SYT9: variants seen among roughly 807,000 people sequenced by gnomAD.
SYT9 encodes the protein synaptotagmin-9.
SYT9 carries 22 observed loss-of-function variants against 48.4 expected under a neutral mutation model. That is an observed-to-expected ratio of 0.45 (90% CI 0.32 to 0.65). The LOEUF is 0.65. Among genes scored for constraint, SYT9 ranks in the 30% least tolerant of loss-of-function variants. SYT9 has a pLI of 0.03. For synonymous variants in SYT9, 265 were observed against 245.0 expected, an observed-to-expected ratio of 1.08 and a Z score of -0.76; for missense variants, 577 against 622.0, an observed-to-expected ratio of 0.93 and a Z score of 0.77.
At chr11:7,378,593 A>C (rs1008505783) in intron 3 of SYT9, among the ~76,000 whole-genome samples, 1 of 151,920 alleles carries the variant, frequency 6.6e-6, no homozygotes, top group Non-Finnish European at 1.5e-5. Flanking sequence ...AGGGAGGTGC[A>C]TAGTGCTCCT....
intron 3 of SYT9, among the ~76,000 whole-genome samples, chr11:7,356,513 GGAA>G (rs1390513929): frequency 1.3e-5 from 2 of 152,072 alleles, no homozygotes; most frequent in Non-Finnish European, 2.9e-5. Flanking sequence ...CTCCAGGGAG[GGAA>G]GAAGGAGGAG....
At chr11:7,421,086 T>C (rs1410569759) in intron 6 of SYT9, among the ~76,000 whole-genome samples, 1 of 152,116 alleles carries the variant, frequency 6.6e-6, no homozygotes, top group East Asian at 1.9e-4. Flanking sequence ...CTACATATAA[T>C]AAAAACCAAA....
chr11:7,286,670 C>T (rs72855011), intron 1 of SYT9, among the ~76,000 whole-genome samples: 1,893 of 152,278 alleles, frequency 0.012, 21 homozygotes, highest in Middle Eastern at 0.041. Context: ...TTGAACACTT[C>T]GCCACTTAGA....
At chr11:7,250,316 T>C (rs1847844279), upstream of SYT9, among the ~76,000 whole-genome samples, 1 of 152,244 alleles carries the variant, frequency 6.6e-6, no homozygotes, top group Admixed American at 6.5e-5. Context: ...CATCATCTCT[T>C]GCCTGGTTTA....
At chr11:7,438,825 AC>A (rs1480680873) in intron 6 of SYT9, 10 of 151,584 alleles carry the variant, frequency 6.6e-5, no homozygotes, top group Admixed American at 6.6e-4. Context: ...TGCACCTCCT[AC>A]ATCCCGCCCC....
At chr11:7,381,587 A>G (rs563733968) in intron 3 of SYT9, among the ~76,000 whole-genome samples, 1 of 152,248 alleles carries the variant, frequency 6.6e-6, no homozygotes, top group East Asian at 1.9e-4. Context: ...TCAGTGAGAT[A>G]TTGTTGGCTA....
intron 3 of SYT9, among the ~76,000 whole-genome samples, chr11:7,322,251 C>A (rs1017547549): frequency 2.6e-5 from 4 of 152,194 alleles, no homozygotes; most frequent in African/African-American, 9.6e-5. Flanking sequence ...CTGCTGCCAG[C>A]TTATAGGAGC....
intron 1 of SYT9, among the ~76,000 whole-genome samples, chr11:7,268,940 C>G (rs1346589485): frequency 6.6e-6 from 1 of 152,102 alleles, no homozygotes; most frequent in Non-Finnish European, 1.5e-5. Flanking sequence ...ATTAATGTGT[C>G]TGTTCTAGAC....
chr11:7,290,760 G>A (rs1848684730), intron 1 of SYT9, among the ~76,000 whole-genome samples: 1 of 152,260 alleles, frequency 6.6e-6, no homozygotes, highest in South Asian at 2.1e-4. Context: ...CACAATTTGA[G>A]AATATGAGAT....
At chr11:7,386,307 T>G (rs1850656499) in intron 3 of SYT9, among the ~76,000 whole-genome samples, 1 of 151,992 alleles carries the variant, frequency 6.6e-6, no homozygotes, top group Non-Finnish European at 1.5e-5. Context: ...AGGATCTAAT[T>G]AAACTAAAGA....
At chr11:7,285,020 G>GAAAC (rs1023453623) in intron 1 of SYT9, among the ~76,000 whole-genome samples, 1 of 152,078 alleles carries the variant, frequency 6.6e-6, no homozygotes, top group Non-Finnish European at 1.5e-5. Flanking sequence ...TGGGCATTGA[G>GAAAC]AAACAAACAA....
At chr11:7,431,607 T>C (rs1300345019) in intron 6 of SYT9, among the ~76,000 whole-genome samples, 2 of 152,192 alleles carry the variant, frequency 1.3e-5, no homozygotes, top group Non-Finnish European at 2.9e-5. Context: ...GCCCCTCTCA[T>C]TACAGGTTCA....
At chr11:7,461,308 C>G (rs1848232040) in intron 6 of SYT9, 1 of 152,064 alleles carries the variant, frequency 6.6e-6, no homozygotes, top group Admixed American at 6.6e-5. Context: ...ATCCTTGATT[C>G]TATAGTCTTC....
intron 2 of SYT9, among the ~76,000 whole-genome samples, chr11:7,308,544 C>A (rs912537721): frequency 1.3e-5 from 2 of 152,132 alleles, no homozygotes; most frequent in African/African-American, 4.8e-5. Flanking sequence ...AGAGGTAGGA[C>A]CAAGATGCAA....
chr11:7,292,678 G>A (rs1246473873), intron 1 of SYT9, among the ~76,000 whole-genome samples: 1 of 152,176 alleles, frequency 6.6e-6, no homozygotes, highest in Admixed American at 6.5e-5. Context: ...AAGTCTCAAT[G>A]GTCTAAAACT....
intron 6 of SYT9, among the ~76,000 whole-genome samples, chr11:7,428,484 C>A (rs956677818): frequency 1.3e-5 from 2 of 152,194 alleles, no homozygotes; most frequent in South Asian, 2.1e-4. Flanking sequence ...GAAACACACT[C>A]CCTCCTGATA....
intron 3 of SYT9, among the ~76,000 whole-genome samples, chr11:7,380,341 A>G (rs1850538320): frequency 6.6e-6 from 1 of 152,176 alleles, no homozygotes; most frequent in Non-Finnish European, 1.5e-5. Context: ...CAAAAAAATT[A>G]GAATGAATAA....
chr11:7,443,030 G>A (rs1847857447), intron 6 of SYT9, among the ~76,000 whole-genome samples: 2 of 152,174 alleles, frequency 1.3e-5, no homozygotes, highest in African/African-American at 4.8e-5. Context: ...GAGAATGAAA[G>A]AAGGAATGAG....
chr11:7,321,673 G>A (rs1320991178), intron 3 of SYT9, among the ~76,000 whole-genome samples: 1 of 152,154 alleles, frequency 6.6e-6, no homozygotes, highest in Non-Finnish European at 1.5e-5. Flanking sequence ...GTAACTCATA[G>A]GCAGTGTGCC....
Sources: gnomAD v4.1 joint callset for allele counts (sites outside exome capture counted in the v4.1 genomes callset) on GRCh38, gnomAD v4.1.1 for gene constraint, MANE v1.5 for transcripts, NCBI Gene and HGNC (gene_info 2026-07-23, HGNC 2026-07-21) for gene names.